The following WWOX variants were observed in gnomAD, a reference collection of about 807,000 sequenced individuals.
WWOX encodes the protein WW domain-containing oxidoreductase.
In WWOX, 69 loss-of-function variants were observed where a neutral mutation model predicts 46.2. The observed-to-expected ratio is 1.49, with a 90% CI of 1.23 to 1.82. The LOEUF (loss-of-function observed/expected upper bound fraction) is 1.82, where lower values mean the gene tolerates loss of function less well. WWOX is among the 40% of genes most tolerant of loss of function. The pLI, the probability that WWOX is intolerant of heterozygous loss-of-function variation, is 0.00. For missense variants in WWOX, 919 were observed against 542.6 expected (o/e 1.69, Z -6.89); for synonymous variants, 359 against 202.6 (o/e 1.77, Z -6.56).
chr16:79,027,346 C>A (rs2550702), intron 8 of WWOX, among the ~76,000 whole-genome samples: 114,658 of 149,932 alleles, frequency 0.76, 44,242 homozygotes, highest in East Asian at 0.91. Context: ...CTCTGCAGAA[C>A]TTTTCATTGC....
chr16:78,401,107 A>T (rs1034312875), intron 6 of WWOX, among the ~76,000 whole-genome samples: 1 of 152,340 alleles, frequency 6.6e-6, no homozygotes, highest in Admixed American at 6.5e-5. Context: ...GGCATGAGCC[A>T]TGTCCAGCTG....
At chr16:78,862,130 C>G (rs28544572) in intron 8 of WWOX, among the ~76,000 whole-genome samples, 1 of 151,358 alleles carries the variant, frequency 6.6e-6, no homozygotes, top group Admixed American at 6.6e-5. Context: ...GTGTGTCTAT[C>G]TATATCTATA....
intron 8 of WWOX, among the ~76,000 whole-genome samples, chr16:78,773,642 C>T (rs1319569816): frequency 1.3e-5 from 2 of 152,280 alleles, no homozygotes; most frequent in South Asian, 2.1e-4. Context: ...TCATTGTTTT[C>T]CGCTACTCAC....
intron 8 of WWOX, among the ~76,000 whole-genome samples, chr16:78,447,896 TG>T (rs2083599329): frequency 6.6e-6 from 1 of 152,154 alleles, no homozygotes; most frequent in African/African-American, 2.4e-5. Flanking sequence ...GTCCACCTCC[TG>T]GGTTTAATCG....
At chr16:78,571,991 A>ATT (rs2044727278) in intron 8 of WWOX, among the ~76,000 whole-genome samples, 1 of 152,226 alleles carries the variant, frequency 6.6e-6, no homozygotes, top group Non-Finnish European at 1.5e-5. Flanking sequence ...AATTTTATGC[A>ATT]TTACTGAACT....
intron 5 of WWOX, among the ~76,000 whole-genome samples, chr16:78,317,000 GA>G (rs2080369221): frequency 6.6e-6 from 1 of 152,192 alleles, no homozygotes; most frequent in African/African-American, 2.4e-5. Flanking sequence ...AAAGATGAAG[GA>G]AAGTTGCTTT....
chr16:79,065,209 G>A (rs1257498483), intron 8 of WWOX, among the ~76,000 whole-genome samples: 2 of 152,150 alleles, frequency 1.3e-5, no homozygotes, highest in Non-Finnish European at 2.9e-5. Context: ...ATTGCTCAAT[G>A]GGTTCTTCTT....
chr16:78,856,694 A>G (rs188710427), intron 8 of WWOX, among the ~76,000 whole-genome samples: 1 of 152,326 alleles, frequency 6.6e-6, no homozygotes, highest in Non-Finnish European at 1.5e-5. Flanking sequence ...GGGAAGGGGC[A>G]TATAATTCAG....
intron 5 of WWOX, among the ~76,000 whole-genome samples, chr16:78,178,843 G>A (rs879420798): frequency 2.1e-5 from 3 of 145,344 alleles, no homozygotes; most frequent in Admixed American, 6.9e-5. Context: ...CAGCCTGGGC[G>A]ACAGAGCGAG....
At chr16:78,968,261 G>T (rs183906034) in intron 8 of WWOX, among the ~76,000 whole-genome samples, 2 of 152,238 alleles carry the variant, frequency 1.3e-5, no homozygotes, top group Non-Finnish European at 2.9e-5. Context: ...GCGATTTCCA[G>T]ACTATCCAGA....
chr16:78,828,651 A>C (rs1431162049), intron 8 of WWOX, among the ~76,000 whole-genome samples: 1 of 152,206 alleles, frequency 6.6e-6, no homozygotes, highest in East Asian at 1.9e-4. Context: ...TATTTACAAA[A>C]CTTCACACTC....
intron 8 of WWOX, among the ~76,000 whole-genome samples, chr16:78,537,216 C>A (rs1015952468): frequency 6.6e-6 from 1 of 152,080 alleles, no homozygotes; most frequent in African/African-American, 2.4e-5. Context: ...CACACCCAGC[C>A]AGAGTCAAGT....
chr16:79,157,536 G>T (rs777358149), intron 8 of WWOX, among the ~76,000 whole-genome samples: 1 of 152,148 alleles, frequency 6.6e-6, no homozygotes, highest in Non-Finnish European at 1.5e-5. Flanking sequence ...CATTTGGCAT[G>T]TAGTGGAACC....
chr16:78,989,824 G>A (rs1352427489), intron 8 of WWOX, among the ~76,000 whole-genome samples: 2 of 142,184 alleles, frequency 1.4e-5, no homozygotes, highest in African/African-American at 5.6e-5. Flanking sequence ...GTGTGAGCGT[G>A]TGTGTGTGTG....
At chr16:78,993,557 G>A (rs1257879022) in intron 8 of WWOX, among the ~76,000 whole-genome samples, 1 of 152,152 alleles carries the variant, frequency 6.6e-6, no homozygotes, top group African/African-American at 2.4e-5. Flanking sequence ...TATCAGCTGC[G>A]GGCCTGGGTG....
At chr16:79,116,709 A>G (rs1303710023) in intron 8 of WWOX, among the ~76,000 whole-genome samples, 1 of 152,056 alleles carries the variant, frequency 6.6e-6, no homozygotes, top group Non-Finnish European at 1.5e-5. Flanking sequence ...TCACCCAAGA[A>G]GGTGGAATAA....
chr16:78,430,895 T>G (rs948819346), intron 7 of WWOX, among the ~76,000 whole-genome samples: 35 of 152,224 alleles, frequency 2.3e-4, no homozygotes, highest in African/African-American at 8.4e-4. Flanking sequence ...TAGCCCAACC[T>G]GAGCTGCTGA....
chr16:78,461,632 A>G (rs1188696753), intron 8 of WWOX, among the ~76,000 whole-genome samples: 2 of 152,208 alleles, frequency 1.3e-5, no homozygotes, highest in Non-Finnish European at 2.9e-5. Flanking sequence ...ACAATCACAG[A>G]CATGCACAGC....
At chr16:79,165,175 A>G (rs185164649) in intron 8 of WWOX, among the ~76,000 whole-genome samples, 5 of 151,708 alleles carry the variant, frequency 3.3e-5, no homozygotes, top group Non-Finnish European at 7.4e-5. Context: ...AACTAGATAA[A>G]TCTCCCTGGA....
Sources: gnomAD v4.1 joint callset for allele counts (sites outside exome capture counted in the v4.1 genomes callset) on GRCh38, gnomAD v4.1.1 for gene constraint, MANE v1.5 for transcripts, NCBI Gene and HGNC (gene_info 2026-07-23, HGNC 2026-07-21) for gene names.